PTPRB: variants seen among roughly 807,000 people sequenced by gnomAD.
The protein encoded by PTPRB is receptor-type tyrosine-protein phosphatase beta.
PTPRB carries 97 observed loss-of-function variants against 238.1 expected under a neutral mutation model. That is an observed-to-expected ratio of 0.41 (90% confidence interval 0.35 to 0.48). The LOEUF (loss-of-function observed/expected upper bound fraction) is 0.48, where lower values mean the gene tolerates loss of function less well. PTPRB is among the 20% of genes least tolerant of loss of function. The pLI, the probability that PTPRB is intolerant of heterozygous loss-of-function variation, is 0.30. For synonymous variants in PTPRB, 970 were observed against 995.4 expected (o/e 0.97, Z 0.48); for missense variants, 2,292 against 2,681.9 (o/e 0.85, Z 3.21).
chr12:70,566,503 T>A lies in PTPRB; in HGVS notation c.3836A>T (p.Tyr1279Phe), dbSNP rs1879318158. The A allele has an allele frequency of 6.2e-7, 1 of 1,614,066 alleles. No individual in the cohort carries two copies. Among genetic ancestry groups the A allele is most frequent in the African/African-American group, 1.3e-5 (1 of 75,064 alleles). The change falls in exon 15 of 34, where the codon TAC becomes TTC. Residue 1279 changes from tyrosine to phenylalanine, a missense_variant. Physicochemically the swap from Tyr to Phe is conservative, Grantham distance 22 (BLOSUM62 3). Coordinates refer to ENST00000334414, the MANE Select transcript of PTPRB (RefSeq NM_001109754.4). Reference sequence around the variant, plus strand: ...ACTGACAGTTAGGATCTGTATCTTGTATTTCTTGCCTGGTGTTAGATCTTC... The same window carrying A: ...ACTGACAGTTAGGATCTGTATCTTGAATTTCTTGCCTGGTGTTAGATCTTC... ...KFEDLTPGKKYKIQILTVSGG... is the reference protein window; with the variant it reads ...KFEDLTPGKKFKIQILTVSGG...
intron 18 of PTPRB, 90 bp downstream of exon 18, chr12:70,559,253 G>C (rs773931660): frequency 8.9e-6 from 12 of 1,355,862 alleles, no homozygotes; most frequent in Non-Finnish European, 8.3e-6. Context: ...GTAAAAATAT[G>C]GATTTAATCC....
intron 10 of PTPRB, 25 bp from the exon 11 acceptor site, chr12:70,576,670 G>GGGGGGGT (rs1880772220): frequency 5.1e-6 from 1 of 195,774 alleles, no homozygotes; most frequent in Non-Finnish European, 9.6e-6. Context: ...GGTGGGGGGC[G>GGGGGGGT]GGGGGGGGGG....
At chr12:70,628,461 A>G (rs1469738565) in intron 2 of PTPRB, among the ~76,000 whole-genome samples, 1 of 152,220 alleles carries the variant, frequency 6.6e-6, no homozygotes, top group Non-Finnish European at 1.5e-5. Flanking sequence ...TGACATAGGC[A>G]TGGCCTATCG....
At chr12:70,580,508 T>A (rs190618571) in intron 10 of PTPRB, among the ~76,000 whole-genome samples, 7 of 152,340 alleles carry the variant, frequency 4.6e-5, no homozygotes, top group African/African-American at 1.4e-4. Flanking sequence ...GAGGAGTTCT[T>A]ACATGTTCAT....
rs563663963 is a variant in PTPRB at position 70,521,104 on chromosome 12, T to C, written c.*385A>G. On this transcript the variant is annotated 3_prime_UTR_variant, in exon 34 of 34. Transcript: ENST00000334414. ...CCTGCCCTTTTTCCTGTCCAGTGAA[T>C]ATCAAAACAGGTAGAAAACATGGCC... The C allele has an allele frequency of 1.2e-5, 2 of 168,414 alleles. No individual in the cohort carries two copies. The highest frequency in any genetic ancestry group is 3.3e-4 in the East Asian group (2 of 6,070). The allele number at this position is 168,414 out of a possible 1,614,324, so 10.4% of individuals were successfully genotyped here. A position where few individuals can be genotyped will look rare whatever the true frequency, so the allele number is the denominator to read the frequency against.
At chr12:70,576,343 T>C in intron 11 of PTPRB, 39 bp downstream of exon 11, 10 of 1,594,780 alleles carry the variant, frequency 6.3e-6, no homozygotes, top group Non-Finnish European at 6.8e-6. Context: ...CACATGTGAA[T>C]TGGTTCTTAC....
Position 70,535,193 on chromosome 12 carries a change from C to T in PTPRB, c.6082-238G>A, listed in dbSNP as rs147969982. ...CCTGACTCCAACCTTTGGGTTCACT[C>T]ATTTTTTAGGCCCAGTAATATATGG... On this transcript the variant is annotated intron_variant, in intron 29 of 33. Coordinates refer to ENST00000334414, the MANE Select transcript of PTPRB (RefSeq NM_001109754.4). Among the ~76,000 whole-genome samples the T allele has an allele frequency of 4.7e-3, 682 of 145,002 alleles. 4 individuals carry two copies. The highest frequency in any genetic ancestry group is 7.4e-3 in the Non-Finnish European group (485 of 65,928).
At position 70,520,091 on chromosome 12, in the gene PTPRB, C is replaced by CAA. The variant is rs1871505077; in HGVS notation, c.*1396_*1397dup. 41 of 367,354 alleles carry CAA rather than the reference C, an allele frequency of 1.1e-4. 1 individual carries two copies. The highest frequency in any genetic ancestry group is 7.4e-4 in the Middle Eastern group (2 of 2,702). The allele number at this position is 367,354 out of a possible 1,614,324, so 22.8% of individuals were successfully genotyped here. A position where few individuals can be genotyped will look rare whatever the true frequency, so the allele number is the denominator to read the frequency against. On this transcript the variant is annotated 3_prime_UTR_variant, in exon 34 of 34. Transcript: ENST00000334414. The stretch of plus-strand genomic sequence containing the variant: ...ATCAACAAACTTGACCTCTAATTCC[C>CAA]AAGTTTATTACAGAAAAATTTGTAG...
chr12:70,526,165 T>A (rs1872405709), intron 32 of PTPRB, among the ~76,000 whole-genome samples: 2 of 152,164 alleles, frequency 1.3e-5, no homozygotes, highest in Admixed American at 1.3e-4. Context: ...ATAAGGTAGG[T>A]CTGGTATAAT....
chr12:70,554,272 C>T (rs1877318477), intron 20 of PTPRB, among the ~76,000 whole-genome samples: 1 of 152,232 alleles, frequency 6.6e-6, no homozygotes, highest in Admixed American at 6.5e-5. Context: ...CCCTTACCCA[C>T]AAATGGGTCA....
At chr12:70,534,429 A>T in intron 31 of PTPRB, 59 bp downstream of exon 31, 1 of 1,553,664 alleles carries the variant, frequency 6.4e-7, no homozygotes, top group South Asian at 1.2e-5. Flanking sequence ...ATTTTTCCAG[A>T]CTCCCAGGCA....
At position 70,592,530 on chromosome 12, in the gene PTPRB, G is replaced by C; in HGVS notation, c.1532C>G (p.Ser511Ter). ...GCCATCATTTGTCACCTTCAGATTT[G>C]AGACTTCCATGGGGGCTAATCAGGA... ...KLVRTAPMEVSNLKVTNDGSL... is the reference protein window; with the variant it reads ...KLVRTAPMEV Residue 511 changes from serine (S) to a stop codon, truncating the protein, a stop_gained, in exon 7 of 34, where the codon TCA becomes TGA. Transcript: ENST00000334414. LOFTEE classifies it high-confidence loss of function. The C allele has an allele frequency of 6.2e-7, 1 of 1,613,652 alleles. No homozygotes were observed. Among genetic ancestry groups the C allele is most frequent in the Non-Finnish European group, 8.5e-7 (1 of 1,179,758 alleles).
chr12:70,533,459 T>C (rs1037403940), intron 31 of PTPRB, among the ~76,000 whole-genome samples: 9 of 151,918 alleles, frequency 5.9e-5, no homozygotes, highest in African/African-American at 2.2e-4. Flanking sequence ...AAACATTAAT[T>C]TGCTAGATAC....
chr12:70,525,547 T>C (rs1454485426), intron 32 of PTPRB: 3 of 151,988 alleles, frequency 2.0e-5, no homozygotes, highest in Non-Finnish European at 2.9e-5. Context: ...GACCCATCTG[T>C]TGGCTATTTA....
intron 32 of PTPRB, chr12:70,527,593 G>C (rs1057067705): frequency 9.2e-5 from 14 of 152,268 alleles, no homozygotes; most frequent in African/African-American, 3.4e-4. Flanking sequence ...GTCTCTCAGG[G>C]TCAGGCTGCA....
intron 23 of PTPRB, chr12:70,540,426 T>C (rs1874879331): frequency 5.0e-6 from 1 of 200,026 alleles, no homozygotes. Flanking sequence ...TATTTGGTTC[T>C]TTTTGGTCCC....
At chr12:70,526,645 A>G (rs1385457234) in intron 32 of PTPRB, among the ~76,000 whole-genome samples, 3 of 152,248 alleles carry the variant, frequency 2.0e-5, no homozygotes, top group African/African-American at 4.8e-5. Flanking sequence ...AATCTGAGAA[A>G]GGTACAATCT....
Position 70,520,952 on chromosome 12 carries a change from C to G in PTPRB, c.*537G>C, listed in dbSNP as rs928579753. On this transcript the variant is annotated 3_prime_UTR_variant, in exon 34 of 34. Transcript: ENST00000334414. ...TGGTACTGCTTAATTCTTTTTTCTC[C>G]CTCCCTCTAATCCTTTTTTTGACTG... 6.6e-6 allele frequency: 1 copy of G among 152,216 alleles called. No homozygotes were observed. The highest frequency in any genetic ancestry group is 2.4e-5 in the African/African-American group (1 of 41,400). The allele number at this position is 152,216 out of a possible 1,614,324, so 9.4% of individuals were successfully genotyped here. A position where few individuals can be genotyped will look rare whatever the true frequency, so the allele number is the denominator to read the frequency against.
chr12:70,530,454 T>C (rs1207282659), intron 32 of PTPRB, among the ~76,000 whole-genome samples: 1 of 150,012 alleles, frequency 6.7e-6, no homozygotes, highest in Non-Finnish European at 1.5e-5. Context: ...CATGCACATA[T>C]ACACATGTAC....
Sources: gnomAD v4.1 joint callset for allele counts (sites outside exome capture counted in the v4.1 genomes callset) on GRCh38, gnomAD v4.1.1 for gene constraint, MANE v1.5 for transcripts, NCBI Gene and HGNC (gene_info 2026-07-23, HGNC 2026-07-21) for gene names.